Variants in CD180 observed in about 807,000 individuals in gnomAD.
The protein encoded by CD180 is CD180 molecule, also known as CD180 antigen.
CD180 carries 11 observed loss-of-function variants against 10.7 expected under a neutral mutation model. That is an observed-to-expected ratio of 1.03 (90% confidence interval 0.65 to 1.70). The LOEUF (loss-of-function observed/expected upper bound fraction) is 1.70, where lower values mean the gene tolerates loss of function less well. CD180 is among the 40% of genes most tolerant of loss of function. The pLI is 0.00. For missense variants in CD180, 729 were observed against 775.2 expected (o/e 0.94, Z 0.71); for synonymous variants, 286 against 294.6 (o/e 0.97, Z 0.30).
chr5:67,190,050 T>C (rs563010893), intron 1 of CD180, among the ~76,000 whole-genome samples: 10 of 152,362 alleles, frequency 6.6e-5, no homozygotes, highest in African/African-American at 2.2e-4. Context: ...TTAGTTGTTA[T>C]ATCTCCTTAG....
At chr5:67,194,251 G>C (rs1466961554) in intron 1 of CD180, among the ~76,000 whole-genome samples, 2 of 152,312 alleles carry the variant, frequency 1.3e-5, no homozygotes, top group South Asian at 2.1e-4. Context: ...AGGATTATGA[G>C]AGGGGCTTGA....
chr5:67,184,120 A>T lies in CD180; in HGVS notation c.723T>A (p.Gly241=). 1 of 1,614,192 alleles carries T rather than the reference A, an allele frequency of 6.2e-7. No individual in the cohort carries two copies. Among genetic ancestry groups the T allele is most frequent in the African/African-American group, 1.3e-5 (1 of 75,056 alleles). Residue 241 remains glycine (G), a synonymous_variant, in exon 3 of 3, where the codon GGT becomes GGA. Transcript: ENST00000256447. The part of the protein sequence containing the change: ...GTPNLSVIFN[G]LQNSTTQSLW... ...GAGACTGAGTAGTAGAGTTCTGCAG[A>T]CCATTGAATATAACAGACAAATTTG...
Position 67,184,484 on chromosome 5 carries a change from G to T in CD180, c.359C>A (p.Ser120Ter), listed in dbSNP as rs1371307998. The T allele has an allele frequency of 6.2e-7, 1 of 1,613,978 alleles. No homozygotes were observed. Among genetic ancestry groups the T allele is most frequent in the Admixed American group, 1.7e-5 (1 of 59,996 alleles). ...GNPLIFMAET[S>*]LNGPKSLKHL... The stretch of plus-strand genomic sequence containing the variant: ...CTTCAGTGACTTGGGCCCATTAAGC[G>T]ATGTTTCTGCCATGAATATCAGGGG... The change falls in exon 3 of 3, where the codon TCG becomes TAG. Residue 120 changes from serine to a stop codon, truncating the protein, a stop_gained. Coordinates refer to ENST00000256447, the MANE Select transcript of CD180 (RefSeq NM_005582.3). LOFTEE classifies it low-confidence loss of function (END_TRUNC).
At chr5:67,190,853 C>T in intron 1 of CD180, 1 of 839,986 alleles carries the variant, frequency 1.2e-6, no homozygotes, top group Non-Finnish European at 1.4e-6. Flanking sequence ...TCCCTCTCAT[C>T]CCACTGTATT....
intron 1 of CD180, among the ~76,000 whole-genome samples, chr5:67,195,678 C>A (rs1742386952): frequency 2.6e-5 from 4 of 152,242 alleles, no homozygotes; most frequent in Admixed American, 1.3e-4. Context: ...TACCCCAGTG[C>A]TGGCTTTGCT....
In CD180 at chr5:67,185,847, A is replaced by G. The variant is rs763075520; in HGVS notation, c.257+4T>C. On this transcript the variant is annotated splice_donor_region_variant and intron_variant, in intron 2 of 2. Transcript: ENST00000256447. ...AAGAGCACACAAATAACTCAGATAC[A>G]TACCTAGTTAAATCCAAAAAGGTAA... The G allele has an allele frequency of 1.3e-6, 2 of 1,583,572 alleles. No individual in the cohort carries two copies. Among genetic ancestry groups the G allele is most frequent in the African/African-American group, 2.7e-5 (2 of 73,612 alleles).
At chr5:67,192,830 A>G (rs537972171) in intron 1 of CD180, among the ~76,000 whole-genome samples, 1 of 152,348 alleles carries the variant, frequency 6.6e-6, no homozygotes, top group Non-Finnish European at 1.5e-5. Flanking sequence ...ACAGCCGAGC[A>G]GCCACTTGCT....
chr5:67,183,589 T>C lies in CD180; in HGVS notation c.1254A>G (p.Glu418=). The C allele has an allele frequency of 6.2e-7, 1 of 1,614,202 alleles. No individual in the cohort carries two copies. Among genetic ancestry groups the C allele is most frequent in the South Asian group, 1.1e-5 (1 of 91,084 alleles). The change falls in exon 3 of 3, where the codon GAA becomes GAG. Residue 418 remains glutamate, a synonymous_variant. Transcript: ENST00000256447. ...PLGLQSQAFK[E]CPQLELLDLA... ...AATCGAGGAGTTCTAGCTGAGGACA[T>C]TCTTTGAATGCCTGACTCTGGAGAC... is the stretch of plus-strand genomic sequence containing the variant.
At chr5:67,193,477 AGT>A (rs1742346248) in intron 1 of CD180, among the ~76,000 whole-genome samples, 1 of 152,128 alleles carries the variant, frequency 6.6e-6, no homozygotes, top group African/African-American at 2.4e-5. Flanking sequence ...CTCCCTCCCT[AGT>A]ATCCACACAG....
At chr5:67,191,496 A>G (rs977036669) in intron 1 of CD180, among the ~76,000 whole-genome samples, 1 of 152,200 alleles carries the variant, frequency 6.6e-6, no homozygotes, top group Non-Finnish European at 1.5e-5. Flanking sequence ...ACACCTAGGG[A>G]CTGAAGGGCT....
rs965509183 is a variant in CD180, at chr5:67,191,075, A to C, written c.91-5058T>G. ...GAGCAAGTCGACTGAGCCAAATCCC[A>C]GAGCAACAATTAGTCTCTGAAAACA... On this transcript the variant is annotated intron_variant, in intron 1 of 2. Transcript: ENST00000256447. The C allele has an allele frequency of 3.3e-5, 33 of 985,312 alleles. No homozygotes were observed. In the African/African-American group the frequency reaches 5.4e-4, roughly 16 times the overall value. The allele number at this position is 985,312 out of a possible 1,614,324, so 61.0% of individuals were successfully genotyped here. A position where few individuals can be genotyped will look rare whatever the true frequency, so the allele number is the denominator to read the frequency against.
chr5:67,183,341 A>G lies in CD180; in HGVS notation c.1502T>C (p.Leu501Pro), dbSNP rs1273058478. 6.2e-7 allele frequency: 1 copy of G among 1,614,234 alleles called. No individual in the cohort carries two copies. Among genetic ancestry groups the G allele is most frequent in the Non-Finnish European group, 8.5e-7 (1 of 1,180,034 alleles). Residue 501 changes from leucine (L) to proline (P), a missense_variant, in exon 3 of 3, where the codon CTG becomes CCG. Transcript: ENST00000256447. ...LLQTVGSLEV[L>P]ILSSCGLLSI... Reference sequence around the variant, plus strand: ...GAGGAGACCACAAGAGGACAAAATCAGAACCTCCAAGCTGCCCACGGTCTG... The same window carrying G: ...GAGGAGACCACAAGAGGACAAAATCGGAACCTCCAAGCTGCCCACGGTCTG...
At chr5:67,187,928 T>C (rs1022570487) in intron 1 of CD180, among the ~76,000 whole-genome samples, 1 of 152,132 alleles carries the variant, frequency 6.6e-6, no homozygotes, top group African/African-American at 2.4e-5. Context: ...AAGTAAGTTA[T>C]TGGGTGGCCG....
intron 1 of CD180, among the ~76,000 whole-genome samples, 166 bp downstream of exon 1, chr5:67,196,386 A>C (rs937588489): frequency 1.6e-4 from 24 of 152,208 alleles, no homozygotes; most frequent in African/African-American, 5.1e-4. Flanking sequence ...CCCCTGGCAG[A>C]GTTCTTTGGC....
At chr5:67,185,761 C>A in intron 2 of CD180, 90 bp downstream of exon 2, 1 of 916,604 alleles carries the variant, frequency 1.1e-6, no homozygotes, top group East Asian at 2.8e-5. Flanking sequence ...GTCCCTGGGC[C>A]CCCCAAAAAG....
At chr5:67,187,679 A>G (rs545093093) in intron 1 of CD180, among the ~76,000 whole-genome samples, 1 of 152,300 alleles carries the variant, frequency 6.6e-6, no homozygotes, top group South Asian at 2.1e-4. Context: ...CAGGTATGAA[A>G]GTCTGATGGA....
chr5:67,180,489 G>A lies in CD180; in HGVS notation c.*2368C>T, dbSNP rs914968170. On this transcript the variant is annotated 3_prime_UTR_variant, in exon 3 of 3. Transcript: ENST00000256447. ...ACATTTTACATGGAATCATTTGGCT[G>A]GGAACCCTGAGCCAACCTCAGTCCA... 1 of 152,118 alleles carries A rather than the reference G, an allele frequency of 6.6e-6. No homozygotes were observed. The highest frequency in any genetic ancestry group is 6.5e-5 in the Admixed American group (1 of 15,276). The allele number at this position is 152,118 out of a possible 1,614,324, so 9.4% of individuals were successfully genotyped here. A position where few individuals can be genotyped will look rare whatever the true frequency, so the allele number is the denominator to read the frequency against.
chr5:67,196,558 G>C lies in CD180; in HGVS notation c.84C>G (p.Cys28Trp). Residue 28 changes from cysteine to tryptophan, a missense_variant, in exon 1 of 3, where the codon TGC (cysteine) becomes TGG (tryptophan). Physicochemically the swap from Cys to Trp is radical, Grantham distance 215. Coordinates refer to ENST00000256447, the MANE Select transcript of CD180 (RefSeq NM_005582.3). ...CKVITSWDQMCIEKEANKTYN... is the reference protein window; with the variant it reads ...CKVITSWDQMWIEKEANKTYN... ...ACAAACAGTTTGGACTCACCTCAAT[G>C]CACATCTGATCCCAGGAGGTGATGA... The C allele has an allele frequency of 6.2e-7, 1 of 1,614,002 alleles. No homozygotes were observed. Among genetic ancestry groups the C allele is most frequent in the Non-Finnish European group, 8.5e-7 (1 of 1,179,940 alleles).
In CD180 at chr5:67,179,923, TAAC is replaced by T. The variant is rs1742005870; in HGVS notation, c.*2931_*2933del. On this transcript the variant is annotated 3_prime_UTR_variant, in exon 3 of 3. Coordinates refer to ENST00000256447, the MANE Select transcript of CD180 (RefSeq NM_005582.3). ...CTCACTGAGCTACATCGTGCAATAA[TAAC>T]ACATTTTTATAGGAGTAGCTTGTCA... 6.6e-6 allele frequency: 1 copy of T among 152,218 alleles called. No homozygotes were observed. Among genetic ancestry groups the T allele is most frequent in the Non-Finnish European group, 1.5e-5 (1 of 68,048 alleles). The allele number at this position is 152,218 out of a possible 1,614,324, so 9.4% of individuals were successfully genotyped here.
Sources: gnomAD v4.1 joint callset for allele counts (sites outside exome capture counted in the v4.1 genomes callset) on GRCh38, gnomAD v4.1.1 for gene constraint, MANE v1.5 for transcripts, NCBI Gene and HGNC (gene_info 2026-07-23, HGNC 2026-07-21) for gene names.